CDKAL1: variants seen among roughly 807,000 people sequenced by gnomAD.
The protein encoded by CDKAL1 is threonylcarbamoyladenosine tRNA methylthiotransferase.
In CDKAL1, 32 loss-of-function variants were observed where a neutral mutation model predicts 68.2. The observed-to-expected ratio is 0.47, with a 90% CI of 0.35 to 0.63. The LOEUF (loss-of-function observed/expected upper bound fraction) is 0.63, where lower values mean the gene tolerates loss of function less well. Ranked by LOEUF, CDKAL1 falls within the 30% of genes least tolerant of loss-of-function variation. The probability of loss-of-function intolerance (pLI) is 0.00; values close to 1 mark genes in which losing one functional copy is unlikely to be tolerated. For synonymous variants in CDKAL1, 234 were observed against 244.3 expected, an observed-to-expected ratio of 0.96 and a Z score of 0.39; for missense variants, 606 against 696.7, an observed-to-expected ratio of 0.87 and a Z score of 1.47.
intron 11 of CDKAL1, among the ~76,000 whole-genome samples, chr6:21,062,053 T>C (rs963868681): frequency 6.6e-6 from 1 of 152,220 alleles, no homozygotes; most frequent in East Asian, 1.9e-4. Context: ...CTTTTGTCAC[T>C]ATGACCCTTA....
intron 9 of CDKAL1, among the ~76,000 whole-genome samples, chr6:20,883,929 C>T (rs1760945369): frequency 6.6e-6 from 1 of 152,124 alleles, no homozygotes; most frequent in Non-Finnish European, 1.5e-5. Context: ...ACACCAGTCC[C>T]TCTGAAATTC....
At chr6:20,750,203 G>A (rs1357805900) in intron 6 of CDKAL1, among the ~76,000 whole-genome samples, 1 of 152,126 alleles carries the variant, frequency 6.6e-6, no homozygotes, top group Non-Finnish European at 1.5e-5. Context: ...AGCCTCCCAA[G>A]TAGCTGGGAC....
chr6:20,883,091 A>T (rs148636258), intron 9 of CDKAL1, among the ~76,000 whole-genome samples: 107 of 152,250 alleles, frequency 7.0e-4, no homozygotes, highest in Non-Finnish European at 1.1e-3. Flanking sequence ...TGAGGTATAG[A>T]TAAAATTAGG....
chr6:21,151,907 T>C (rs1352557166), intron 13 of CDKAL1, among the ~76,000 whole-genome samples: 3 of 152,192 alleles, frequency 2.0e-5, no homozygotes, highest in Non-Finnish European at 4.4e-5. Context: ...GCGTGCGGCC[T>C]CCACCCCCAA....
At chr6:21,008,739 A>T (rs913074490) in intron 11 of CDKAL1, among the ~76,000 whole-genome samples, 2 of 152,132 alleles carry the variant, frequency 1.3e-5, no homozygotes, top group African/African-American at 4.8e-5. Context: ...TGCACCGTAT[A>T]TATGGCAGGA....
chr6:21,000,944 C>T (rs1767395973), intron 11 of CDKAL1, among the ~76,000 whole-genome samples: 2 of 152,204 alleles, frequency 1.3e-5, no homozygotes, highest in Non-Finnish European at 2.9e-5. Flanking sequence ...CAATGTCAGA[C>T]ATGAATGATA....
chr6:20,979,159 T>A (rs1053325535), intron 10 of CDKAL1, among the ~76,000 whole-genome samples: 1 of 152,174 alleles, frequency 6.6e-6, no homozygotes, highest in African/African-American at 2.4e-5. Flanking sequence ...ATATACCAGG[T>A]CATTGAAAAA....
At chr6:21,151,539 T>C (rs1776410958) in intron 13 of CDKAL1, among the ~76,000 whole-genome samples, 1 of 151,604 alleles carries the variant, frequency 6.6e-6, no homozygotes, top group East Asian at 2.0e-4. Context: ...TCTACTAAAA[T>C]AACGACTCCA....
chr6:20,866,482 A>G (rs1759914762), intron 9 of CDKAL1, among the ~76,000 whole-genome samples: 1 of 152,192 alleles, frequency 6.6e-6, no homozygotes, highest in Non-Finnish European at 1.5e-5. Context: ...ATTAAGACCC[A>G]TTTGGGCATA....
intron 13 of CDKAL1, among the ~76,000 whole-genome samples, chr6:21,119,786 G>A (rs1440914911): frequency 6.6e-6 from 1 of 151,998 alleles, no homozygotes; most frequent in Non-Finnish European, 1.5e-5. Flanking sequence ...GTGCATTTGG[G>A]TACCTGTTTC....
At chr6:20,851,463 C>T (rs1175663487) in intron 9 of CDKAL1, among the ~76,000 whole-genome samples, 2 of 152,104 alleles carry the variant, frequency 1.3e-5, no homozygotes, top group African/African-American at 2.4e-5. Flanking sequence ...GAAACAACAC[C>T]TTTCACCGCA....
At chr6:20,577,756 C>T (rs1764973088) in intron 4 of CDKAL1, among the ~76,000 whole-genome samples, 1 of 152,198 alleles carries the variant, frequency 6.6e-6, no homozygotes, top group Non-Finnish European at 1.5e-5. Context: ...TCCTGTAGAA[C>T]AGATGCATTT....
At chr6:20,586,607 C>T (rs956478684) in intron 4 of CDKAL1, among the ~76,000 whole-genome samples, 3 of 152,092 alleles carry the variant, frequency 2.0e-5, no homozygotes, top group Admixed American at 6.5e-5. Context: ...CACTGCACTC[C>T]GGCCTGGGTG....
At chr6:20,641,009 A>G (rs182700632) in intron 4 of CDKAL1, among the ~76,000 whole-genome samples, 41 of 152,348 alleles carry the variant, frequency 2.7e-4, no homozygotes, top group Non-Finnish European at 4.1e-4. Flanking sequence ...ATTTAAAAAT[A>G]ATTTTTCTGT....
At chr6:20,609,311 T>TCCC (rs1257638127) in intron 4 of CDKAL1, among the ~76,000 whole-genome samples, 1 of 144,994 alleles carries the variant, frequency 6.9e-6, no homozygotes, top group African/African-American at 2.6e-5. Flanking sequence ...CTCCTCCTCC[T>TCCC]CCCCCCTCCT....
chr6:21,223,207 C>G (rs920346444), intron 15 of CDKAL1, among the ~76,000 whole-genome samples: 2 of 152,130 alleles, frequency 1.3e-5, no homozygotes, highest in Non-Finnish European at 2.9e-5. Flanking sequence ...TGCCCTTGCT[C>G]TTTCTCATTT....
At chr6:20,769,693 G>A (rs1774856234) in intron 7 of CDKAL1, among the ~76,000 whole-genome samples, 2 of 152,120 alleles carry the variant, frequency 1.3e-5, no homozygotes, top group South Asian at 2.1e-4. Context: ...TTTGAGAAAC[G>A]TCATTAGCGC....
At chr6:20,695,912 T>C (rs1437084280) in intron 5 of CDKAL1, among the ~76,000 whole-genome samples, 1 of 152,228 alleles carries the variant, frequency 6.6e-6, no homozygotes, top group Non-Finnish European at 1.5e-5. Flanking sequence ...TAAAACTCTG[T>C]ACCCATGAAA....
chr6:20,888,768 C>T lies in CDKAL1; in HGVS notation c.742+42590C>T, dbSNP rs938888677. On this transcript the variant is annotated intron_variant, in intron 9 of 15. Transcript: ENST00000274695. ...GCCACCTTTTCTTAATCCAGTCTGT[C>T]GTTGTTGGACGTTTGGGTTGGTTCC... 5.3e-5 allele frequency among the ~76,000 whole-genome samples: 8 copies of T among 152,026 alleles called. No homozygotes were observed. In the East Asian group the frequency reaches 9.7e-4, roughly 18 times the overall value.
Sources: gnomAD v4.1 joint callset for allele counts (sites outside exome capture counted in the v4.1 genomes callset) on GRCh38, gnomAD v4.1.1 for gene constraint, MANE v1.5 for transcripts, NCBI Gene and HGNC (gene_info 2026-07-23, HGNC 2026-07-21) for gene names.